SYT11: variants seen among roughly 807,000 people sequenced by gnomAD.
The protein encoded by SYT11 is synaptotagmin-11.
SYT11 carries 12 observed loss-of-function variants against 30.4 expected under a neutral mutation model. The observed-to-expected ratio is 0.39, with a 90% CI of 0.25 to 0.64. The LOEUF (loss-of-function observed/expected upper bound fraction) is 0.64. Among genes scored for constraint, SYT11 ranks in the 30% least tolerant of loss-of-function variants. SYT11 has a pLI of 0.45. For missense variants in SYT11, 412 were observed against 552.0 expected, an observed-to-expected ratio of 0.75 and a Z score of 2.54; for synonymous variants, 204 against 216.0, an observed-to-expected ratio of 0.94 and a Z score of 0.49.
Position 155,880,614 on chromosome 1 carries a change from C to A in SYT11, c.976C>A (p.Leu326Ile). The change falls in exon 3 of 4, where the codon CTC becomes ATC. Residue 326 changes from leucine (L) to isoleucine (I), a missense_variant. Coordinates refer to ENST00000368324, the MANE Select transcript of SYT11 (RefSeq NM_152280.5). ...RHLPKMDITGLSGNPYVKVNV... is the reference protein window; with the variant it reads ...RHLPKMDITGISGNPYVKVNV... ...CTTGCCGAAGATGGATATCACCGGT[C>A]TCTCAGGTAGCAGCTATTTACTTCA... 1 of 1,613,994 alleles carries A rather than the reference C, an allele frequency of 6.2e-7. No individual in the cohort carries two copies. Among genetic ancestry groups the A allele is most frequent in the South Asian group, 1.1e-5 (1 of 91,056 alleles).
intron 2 of SYT11, among the ~76,000 whole-genome samples, chr1:155,876,277 G>T (rs1297123651): frequency 9.1e-6 from 1 of 110,284 alleles, no homozygotes; most frequent in Non-Finnish European, 1.7e-5. Context: ...ACGGAGTCTC[G>T]CTCCGTCTCC....
chr1:155,875,881 A>C (rs982644361), intron 2 of SYT11, among the ~76,000 whole-genome samples: 3 of 152,196 alleles, frequency 2.0e-5, no homozygotes. Flanking sequence ...TTGATGAGTT[A>C]ATTGGCATAT....
At chr1:155,872,458 CTAAG>C (rs1252684939) in intron 2 of SYT11, among the ~76,000 whole-genome samples, 1 of 152,172 alleles carries the variant, frequency 6.6e-6, no homozygotes, top group Non-Finnish European at 1.5e-5. Context: ...TATCCCTTGC[CTAAG>C]TATTATTTCT....
intron 2 of SYT11, among the ~76,000 whole-genome samples, chr1:155,869,461 G>A (rs556384050): frequency 1.3e-5 from 2 of 151,826 alleles, no homozygotes; most frequent in African/African-American, 2.4e-5. Flanking sequence ...TAGTAGAAAC[G>A]GGGATTCACC....
chr1:155,864,616 C>A (rs1322185475), intron 1 of SYT11, among the ~76,000 whole-genome samples: 1 of 151,802 alleles, frequency 6.6e-6, no homozygotes, highest in African/African-American at 2.4e-5. Flanking sequence ...ATTTTTGACT[C>A]ATCAAGTGAG....
intron 1 of SYT11, among the ~76,000 whole-genome samples, chr1:155,862,031 A>G (rs765192852): frequency 6.6e-6 from 1 of 152,256 alleles, no homozygotes; most frequent in Non-Finnish European, 1.5e-5. Flanking sequence ...GGGTGTCAAT[A>G]AAAGCAGTTC....
chr1:155,872,575 G>C (rs1176724278), intron 2 of SYT11, among the ~76,000 whole-genome samples: 1 of 152,212 alleles, frequency 6.6e-6, no homozygotes, highest in Non-Finnish European at 1.5e-5. Context: ...TGTCAGGCAT[G>C]AGAAAATCCT....
rs1281827297 is a variant in SYT11 at position 155,881,558 on chromosome 1, T to C, written c.*50T>C. ...CCGGGGGCCAAGCTGGGGAGGGATGTGGAGGGGAAAAAGATGACAGAGAAG... is the reference window on the plus strand; with the variant it reads ...CCGGGGGCCAAGCTGGGGAGGGATGCGGAGGGGAAAAAGATGACAGAGAAG... On this transcript the variant is annotated 3_prime_UTR_variant, in exon 4 of 4. Transcript: ENST00000368324. The C allele has an allele frequency of 6.6e-7, 1 of 1,511,072 alleles. No individual in the cohort carries two copies. The highest frequency in any genetic ancestry group is 8.9e-7 in the Non-Finnish European group (1 of 1,122,692). The allele number at this position is 1,511,072 out of a possible 1,614,324, so 93.6% of individuals were successfully genotyped here.
intron 2 of SYT11, among the ~76,000 whole-genome samples, chr1:155,873,830 G>A (rs1284371211): frequency 6.6e-6 from 1 of 152,160 alleles, no homozygotes; most frequent in African/African-American, 2.4e-5. Context: ...GTATTGGATA[G>A]CTCAGTTCTG....
intron 2 of SYT11, among the ~76,000 whole-genome samples, chr1:155,877,832 A>G (rs1179447447): frequency 1.3e-5 from 2 of 152,214 alleles, no homozygotes; most frequent in Non-Finnish European, 2.9e-5. Flanking sequence ...CTAGGATTAC[A>G]GGCATGAGCC....
intron 1 of SYT11, among the ~76,000 whole-genome samples, chr1:155,864,514 G>A (rs1672638310): frequency 6.6e-6 from 1 of 152,126 alleles, no homozygotes; most frequent in South Asian, 2.1e-4. Context: ...ATTGGTTGGA[G>A]AGGATAGGAG....
Position 155,881,301 on chromosome 1 carries a change from C to T in SYT11, c.1089C>T (p.Phe363=). 1 of 1,614,208 alleles carries T rather than the reference C, an allele frequency of 6.2e-7. No individual in the cohort carries two copies. Among genetic ancestry groups the T allele is most frequent in the Non-Finnish European group, 8.5e-7 (1 of 1,180,032 alleles). ...CTLNPIFNES[F]IYDIPTDLLP... ...TGAACCCCATCTTCAATGAATCTTT[C>T]ATCTACGACATCCCCACTGACCTCC... The change falls in exon 4 of 4, where the codon TTC becomes TTT. Residue 363 remains phenylalanine (F), a synonymous_variant. Coordinates refer to ENST00000368324, the MANE Select transcript of SYT11 (RefSeq NM_152280.5).
chr1:155,865,947 A>G (rs947031814), intron 1 of SYT11, among the ~76,000 whole-genome samples: 3 of 152,044 alleles, frequency 2.0e-5, no homozygotes, highest in Non-Finnish European at 2.9e-5. Context: ...CTAAAAAGTA[A>G]AGTGGAAAAA....
rs1231619190 is a variant in SYT11 at position 155,882,565 on chromosome 1, T to G, written c.*1057T>G. The G allele has an allele frequency of 6.6e-6, 1 of 152,362 alleles. No homozygotes were observed. The highest frequency in any genetic ancestry group is 1.5e-5 in the Non-Finnish European group (1 of 68,040). 9.4% of individuals were successfully genotyped at this position (152,362 alleles called of 1,614,324 possible). On this transcript the variant is annotated 3_prime_UTR_variant, in exon 4 of 4. Coordinates refer to ENST00000368324, the MANE Select transcript of SYT11 (RefSeq NM_152280.5). ...ACAGAGAATACATCAGACTTATGCATCCAAGACATCAGAACTTGGATTTTA... is the reference window on the plus strand; with the variant it reads ...ACAGAGAATACATCAGACTTATGCAGCCAAGACATCAGAACTTGGATTTTA...
intron 1 of SYT11, 35 bp downstream of exon 1, chr1:155,859,830 T>G (rs1406826797): frequency 6.2e-7 from 1 of 1,609,280 alleles, no homozygotes; most frequent in Non-Finnish European, 8.5e-7. Context: ...CTTGAGGTGG[T>G]CAGAATGGTT....
intron 2 of SYT11, among the ~76,000 whole-genome samples, chr1:155,878,824 G>C (rs1672912521): frequency 6.6e-6 from 1 of 151,892 alleles, no homozygotes; most frequent in South Asian, 2.1e-4. Flanking sequence ...CCGAGGTCTC[G>C]CCACTACACT....
Position 155,881,451 on chromosome 1 carries a change from G to A in SYT11, c.1239G>A (p.Glu413=), listed in dbSNP as rs1175302881. 6.2e-7 allele frequency: 1 copy of A among 1,613,478 alleles called. No individual in the cohort carries two copies. The highest frequency in any genetic ancestry group is 1.1e-5 in the South Asian group (1 of 91,062). Residue 413 remains glutamate (E), a synonymous_variant, in exon 4 of 4, where the codon GAG becomes GAA. Coordinates refer to ENST00000368324, the MANE Select transcript of SYT11 (RefSeq NM_152280.5). ...VTASGAEHWR[E]VCESPRKPVA... ...CCAGTGGTGCTGAACACTGGAGAGA[G>A]GTCTGCGAGAGCCCCCGCAAGCCTG...
intron 2 of SYT11, among the ~76,000 whole-genome samples, chr1:155,869,088 G>A (rs1672739893): frequency 6.6e-6 from 1 of 152,076 alleles, no homozygotes; most frequent in Non-Finnish European, 1.5e-5. Context: ...ACCATTTGTA[G>A]ATCCTTCATT....
rs528965538 is a variant in SYT11, at chr1:155,863,798, G to A, written c.34+4003G>A. 7.9e-5 allele frequency among the ~76,000 whole-genome samples: 12 copies of A among 152,090 alleles called. No individual in the cohort carries two copies. In the East Asian group the frequency reaches 1.9e-3, roughly 25 times the overall value. ...TGGCCAGGTGTAGTGGCATGTGCTG[G>A]TAATCCCAGCTACTCAGGAAGCTGA... On this transcript the variant is annotated intron_variant, in intron 1 of 3. Transcript: ENST00000368324.
Sources: allele counts gnomAD v4.1 joint callset (sites outside exome capture counted in the v4.1 genomes callset), GRCh38; gene constraint gnomAD v4.1.1; transcripts MANE v1.5; gene names NCBI Gene and HGNC (gene_info 2026-07-23, HGNC 2026-07-21).